SANBR: variants seen among roughly 807,000 people sequenced by gnomAD.
The protein encoded by SANBR is SANT and BTB domain regulator of class switch recombination.
Under a neutral mutation model 101.8 loss-of-function variants are expected in SANBR, and 77 were observed. The ratio of observed to expected loss-of-function variants is 0.76; its 90% confidence interval spans 0.63 to 0.91. SANBR has a LOEUF of 0.91. Ranked by LOEUF, SANBR falls within the 40% of genes least tolerant of loss-of-function variation. The probability of loss-of-function intolerance (pLI) is 0.00; values close to 1 mark genes in which losing one functional copy is unlikely to be tolerated. For synonymous variants in SANBR, 279 were observed against 274.7 expected, an observed-to-expected ratio of 1.02 and a Z score of -0.15; for missense variants, 875 against 853.0, an observed-to-expected ratio of 1.03 and a Z score of -0.32.
At chr2:61,115,700 C>T (rs778079306) in intron 16 of SANBR, 2 of 204,108 alleles carry the variant, frequency 9.8e-6, no homozygotes, top group Non-Finnish European at 2.0e-5. Flanking sequence ...TGCAGTGAGC[C>T]GAGATCATGC....
chr2:61,124,128 T>G lies in SANBR; in HGVS notation c.*1966T>G. On this transcript the variant is annotated 3_prime_UTR_variant, in exon 22 of 22. Coordinates refer to ENST00000402291, the MANE Select transcript of SANBR (RefSeq NM_001129993.3). ...ACAAAAAAAGAATGTGTTTTTAATT[T>G]TGTTAATGTTTGTCTGTTATACATA... is the stretch of plus-strand genomic sequence containing the variant. The G allele has an allele frequency of 1.0e-6, 1 of 975,702 alleles. No individual in the cohort carries two copies. Among genetic ancestry groups the G allele is most frequent in the Non-Finnish European group, 1.2e-6 (1 of 820,914 alleles). 60.4% of individuals were successfully genotyped at this position (975,702 alleles called of 1,614,324 possible). A position where few individuals can be genotyped will look rare whatever the true frequency, so the allele number is the denominator to read the frequency against.
intron 3 of SANBR, among the ~76,000 whole-genome samples, chr2:61,070,797 C>T (rs1161818982): frequency 6.7e-6 from 1 of 148,206 alleles, no homozygotes; most frequent in African/African-American, 2.5e-5. Flanking sequence ...TTTTTTGAGG[C>T]AGGATCTCTC....
chr2:61,137,882 T>C (rs1684895990), exon 22 of SANBR: 1 of 152,220 alleles, frequency 6.6e-6, no homozygotes, highest in Non-Finnish European at 1.5e-5. Flanking sequence ...GTTTACTTTA[T>C]ATAGTGACCT....
intron 20 of SANBR, among the ~76,000 whole-genome samples, chr2:61,133,702 A>T (rs1684757733): frequency 6.6e-6 from 1 of 152,268 alleles, no homozygotes. Flanking sequence ...GTCACATATG[A>T]TTCCATTTTT....
chr2:61,126,218 T>C (rs1684508730), downstream of SANBR, among the ~76,000 whole-genome samples: 1 of 152,210 alleles, frequency 6.6e-6, no homozygotes, highest in Non-Finnish European at 1.5e-5. Context: ...ACAAGGCAAA[T>C]ATCTAGAAAG....
At chr2:61,084,688 C>A (rs1426601657) in intron 8 of SANBR, among the ~76,000 whole-genome samples, 2 of 152,060 alleles carry the variant, frequency 1.3e-5, no homozygotes, top group Non-Finnish European at 2.9e-5. Context: ...GGTGTGAATG[C>A]AAGCAGGGGA....
intron 20 of SANBR, 111 bp downstream of exon 20, chr2:61,118,227 A>T: frequency 4.2e-6 from 3 of 711,522 alleles, no homozygotes; most frequent in South Asian, 4.3e-5. Context: ...AGAGTAATTT[A>T]TGTGTTTGTT....
At chr2:61,106,457 G>GT in intron 13 of SANBR, 106 bp from the exon 14 acceptor site, 1 of 638,178 alleles carries the variant, frequency 1.6e-6, no homozygotes, top group South Asian at 1.8e-5. Context: ...CTCAGGAACT[G>GT]TATTTCTAAA....
chr2:61,118,247 G>T (rs1171202163), intron 20 of SANBR, 131 bp downstream of exon 20: 4 of 670,744 alleles, frequency 6.0e-6, no homozygotes, highest in Non-Finnish European at 9.9e-6. Flanking sequence ...TTGTTTGTTT[G>T]TTTTTTTCTT....
In SANBR at chr2:61,092,527, A is replaced by G; in HGVS notation, c.1152A>G (p.Arg384=). 6.2e-7 allele frequency: 1 copy of G among 1,607,464 alleles called. No individual in the cohort carries two copies. Among genetic ancestry groups the G allele is most frequent in the Admixed American group, 1.7e-5 (1 of 59,442 alleles). Residue 384 remains arginine (R), a synonymous_variant, in exon 11 of 22, where the codon AGA becomes AGG. Coordinates refer to ENST00000402291, the MANE Select transcript of SANBR (RefSeq NM_001129993.3). Reference sequence around the variant, plus strand: ...TTTTCGAAGAATTAAAATCTTGGAGAGATGTATACTGGCGATTGTGGGGAA... The same window carrying G: ...TTTTCGAAGAATTAAAATCTTGGAGGGATGTATACTGGCGATTGTGGGGAA... ...NSLFEELKSW[R]DVYWRLWGTI...
rs142193328 is a variant in SANBR at position 61,098,947 on chromosome 2, G to T, written c.1365+1095G>T. Among the ~76,000 whole-genome samples the T allele has an allele frequency of 5.3e-3, 807 of 152,302 alleles. 2 individuals carry two copies. Among genetic ancestry groups the T allele is most frequent in the African/African-American group, 0.019 (786 of 41,562 alleles). ...GGGCCATAAATGTCTGTAATAGGCT[G>T]GTATGATTCAGCCATAGATGTCAAG... is the stretch of plus-strand genomic sequence containing the variant. On this transcript the variant is annotated intron_variant, in intron 12 of 21. Transcript: ENST00000402291.
chr2:61,082,389 A>G (rs1682180537), intron 7 of SANBR, among the ~76,000 whole-genome samples: 1 of 152,198 alleles, frequency 6.6e-6, no homozygotes, highest in Non-Finnish European at 1.5e-5. Flanking sequence ...GTAAATAAAC[A>G]TACCTCAGGT....
chr2:61,077,428 C>G (rs1333049870), intron 6 of SANBR, among the ~76,000 whole-genome samples: 1 of 152,034 alleles, frequency 6.6e-6, no homozygotes, highest in Non-Finnish European at 1.5e-5. Context: ...TCTACAAGGT[C>G]AAAACAGTTT....
chr2:61,133,243 C>A (rs1215581238), intron 20 of SANBR, among the ~76,000 whole-genome samples: 3 of 151,656 alleles, frequency 2.0e-5, no homozygotes, highest in Non-Finnish European at 1.5e-5. Context: ...GGCAACAGAG[C>A]AAGACTCTGT....
rs1189620125 is a variant in SANBR, at chr2:61,087,888, A to G, written c.891-271A>G. Reference sequence around the variant, plus strand: ...TAAAAATAAAAAATAAAATTTAAAAATGACTGAAAGATAGCTATTTATCAA... The same window carrying G: ...TAAAAATAAAAAATAAAATTTAAAAGTGACTGAAAGATAGCTATTTATCAA... On this transcript the variant is annotated intron_variant, in intron 8 of 21. Transcript: ENST00000402291. Among the ~76,000 whole-genome samples the G allele has an allele frequency of 2.0e-5, 3 of 151,984 alleles. No individual in the cohort carries two copies. The South Asian group carries it at 6.2e-4, about 32-fold the overall frequency.
intron 13 of SANBR, among the ~76,000 whole-genome samples, chr2:61,104,546 G>T (rs534465807): frequency 1.3e-5 from 2 of 152,030 alleles, no homozygotes; most frequent in African/African-American, 4.8e-5. Context: ...CCAATGTGTG[G>T]TGGTGATGAA....
At chr2:61,107,731 C>A (rs1205742045) in intron 14 of SANBR, among the ~76,000 whole-genome samples, 1 of 152,044 alleles carries the variant, frequency 6.6e-6, no homozygotes, top group African/African-American at 2.4e-5. Flanking sequence ...ACTAAAAATA[C>A]AAAATTTAGC....
intron 11 of SANBR, chr2:61,093,385 C>T (rs1682872413): frequency 6.6e-6 from 1 of 152,148 alleles, no homozygotes; most frequent in Non-Finnish European, 1.5e-5. Flanking sequence ...CACCTGAGGT[C>T]AGGAATTCCA....
At chr2:61,125,133 A>G (rs1684478049), downstream of SANBR, among the ~76,000 whole-genome samples, 1 of 152,202 alleles carries the variant, frequency 6.6e-6, no homozygotes, top group Non-Finnish European at 1.5e-5. Flanking sequence ...GTACAAGAAT[A>G]ATATTATTCC....
Sources: allele counts gnomAD v4.1 joint callset (sites outside exome capture counted in the v4.1 genomes callset), GRCh38; gene constraint gnomAD v4.1.1; transcripts MANE v1.5; gene names NCBI Gene and HGNC (gene_info 2026-07-23, HGNC 2026-07-21).